Variants in DNAH11 observed in about 807,000 individuals in gnomAD.
DNAH11 encodes the protein axonemal beta dynein heavy chain 11.
Under a neutral mutation model 526.0 loss-of-function variants are expected in DNAH11, and 442 were observed. That is an observed-to-expected ratio of 0.84 (90% CI 0.78 to 0.91). The LOEUF (loss-of-function observed/expected upper bound fraction) is 0.91. DNAH11 is among the 40% of genes least tolerant of loss of function. The pLI is 0.00. For missense variants in DNAH11, 6,989 were observed against 5,448.7 expected, an observed-to-expected ratio of 1.28 and a Z score of -8.90; for synonymous variants, 2,461 against 1,935.9, an observed-to-expected ratio of 1.27 and a Z score of -7.12.
intron 63 of DNAH11, among the ~76,000 whole-genome samples, chr7:21,815,000 C>G (rs922475803): frequency 2.0e-5 from 3 of 151,998 alleles, no homozygotes; most frequent in Non-Finnish European, 4.4e-5. Context: ...ATGTAGGTGT[C>G]TTCATTTATA....
chr7:21,546,566 C>T (rs1457241123), intron 2 of DNAH11, among the ~76,000 whole-genome samples: 3 of 152,194 alleles, frequency 2.0e-5, no homozygotes, highest in Admixed American at 2.0e-4. Flanking sequence ...TACTCTTTCT[C>T]TCAGTACCAG....
intron 65 of DNAH11, among the ~76,000 whole-genome samples, chr7:21,839,662 C>T (rs1022272866): frequency 3.9e-5 from 6 of 151,976 alleles, no homozygotes; most frequent in African/African-American, 9.7e-5. Flanking sequence ...TTATTCTCCT[C>T]TTGGAAAACA....
At chr7:21,852,268 G>A (rs1226492504) in intron 66 of DNAH11, among the ~76,000 whole-genome samples, 199 bp from the exon 67 acceptor site, 1 of 151,962 alleles carries the variant, frequency 6.6e-6, no homozygotes, top group African/African-American at 2.4e-5. Flanking sequence ...ATAGCTGGAT[G>A]TGGTGGCAGG....
At chr7:21,739,852 A>G (rs1785796613) in intron 48 of DNAH11, among the ~76,000 whole-genome samples, 179 bp downstream of exon 48, 2 of 152,184 alleles carry the variant, frequency 1.3e-5, no homozygotes. Flanking sequence ...TAATTGGTAG[A>G]CTTTATTTTT....
chr7:21,655,085 T>G (rs1204095214), intron 28 of DNAH11, among the ~76,000 whole-genome samples: 1 of 146,552 alleles, frequency 6.8e-6, no homozygotes, highest in Non-Finnish European at 1.5e-5. Context: ...CACCCCCAAA[T>G]TGTCTGGAGC....
intron 65 of DNAH11, among the ~76,000 whole-genome samples, chr7:21,841,199 AAT>A (rs1425362329): frequency 6.6e-6 from 1 of 152,182 alleles, no homozygotes; most frequent in East Asian, 1.9e-4. Context: ...CACAAAAAAG[AAT>A]ATATGTGTTT....
At chr7:21,676,838 G>A (rs912354533) in intron 30 of DNAH11, among the ~76,000 whole-genome samples, 1 of 152,180 alleles carries the variant, frequency 6.6e-6, no homozygotes, top group Admixed American at 6.5e-5. Context: ...ACCCAGATGA[G>A]AAAATATCCA....
chr7:21,786,860 C>T (rs1788217166), intron 59 of DNAH11, 93 bp downstream of exon 59: 2 of 1,488,490 alleles, frequency 1.3e-6, no homozygotes, highest in South Asian at 1.3e-5. Context: ...ATGTTTAAGT[C>T]AGAAGAAATC....
At chr7:21,624,850 T>C (rs1435717585) in intron 25 of DNAH11, among the ~76,000 whole-genome samples, 1 of 152,210 alleles carries the variant, frequency 6.6e-6, no homozygotes, top group African/African-American at 2.4e-5. Flanking sequence ...ATCACATTTA[T>C]TGATTTGCAT....
chr7:21,562,632 A>G (rs776599689), intron 5 of DNAH11, among the ~76,000 whole-genome samples: 8 of 152,178 alleles, frequency 5.3e-5, no homozygotes, highest in Non-Finnish European at 1.0e-4. Flanking sequence ...GCTCTTCTCA[A>G]AGACACACTT....
chr7:21,831,215 A>G, intron 65 of DNAH11, among the ~76,000 whole-genome samples: 1 of 152,158 alleles, frequency 6.6e-6, no homozygotes, highest in East Asian at 1.9e-4. Flanking sequence ...TAAGTTCAAG[A>G]GCTCATAGCT....
chr7:21,801,208 A>G lies in DNAH11; in HGVS notation c.10098A>G (p.Gln3366=), dbSNP rs1414677500. 7 of 1,613,692 alleles carry G rather than the reference A, an allele frequency of 4.3e-6. No individual in the cohort carries two copies. In the South Asian group the frequency reaches 4.4e-5, roughly 10 times the overall value. The change falls in exon 62 of 82, where the codon CAA becomes CAG. Residue 3366 remains glutamine, a synonymous_variant. Coordinates refer to ENST00000409508, the MANE Select transcript of DNAH11 (RefSeq NM_001277115.2). ...CAACAGCTGAGAAAGTCCGGTGTCA[A>G]GAAGAGGTGAACCAAACCAACAAAA... The part of the protein sequence containing the change: ...EKATAEKVRC[Q]EEVNQTNKTI...
intron 66 of DNAH11, among the ~76,000 whole-genome samples, chr7:21,848,881 A>G (rs1782519582): frequency 6.6e-6 from 1 of 151,564 alleles, no homozygotes; most frequent in Non-Finnish European, 1.5e-5. Context: ...ATCTAACTCC[A>G]TTTTCTTTTT....
chr7:21,850,636 C>G (rs962849248), intron 66 of DNAH11, among the ~76,000 whole-genome samples: 11 of 72,718 alleles, frequency 1.5e-4, no homozygotes, highest in African/African-American at 4.9e-4. Context: ...TTTTTTGCCT[C>G]TAAGTATACC....
chr7:21,594,135 G>A (rs991427004), intron 14 of DNAH11, among the ~76,000 whole-genome samples: 32 of 151,840 alleles, frequency 2.1e-4, no homozygotes, highest in African/African-American at 7.5e-4. Context: ...GTGTGGGGTA[G>A]GGAAAGTGTC....
In DNAH11 at chr7:21,748,681, T is replaced by C; in HGVS notation, c.8612T>C (p.Leu2871Pro). Residue 2871 changes from leucine (L) to proline (P), a missense_variant, in exon 52 of 82, where the codon CTT becomes CCT. By Grantham distance (98) the Leu-to-Pro change is moderately conservative. Coordinates refer to ENST00000409508, the MANE Select transcript of DNAH11 (RefSeq NM_001277115.2). ...AGCTTGTCCAGGCTGGCAGCTTACC[T>C]TCGTGGCCTTGAGGTCTTTCAGATC... is the stretch of plus-strand genomic sequence containing the variant. ...KQSLSRLAAY[L>P]RGLEVFQITL... The C allele has an allele frequency of 6.2e-7, 1 of 1,613,696 alleles. No individual in the cohort carries two copies. Among genetic ancestry groups the C allele is most frequent in the Non-Finnish European group, 8.5e-7 (1 of 1,179,732 alleles).
Position 21,894,887 on chromosome 7 carries a change from G to A in DNAH11, c.12937G>A (p.Glu4313Lys). 6.2e-7 allele frequency: 1 copy of A among 1,613,968 alleles called. No homozygotes were observed. Among genetic ancestry groups the A allele is most frequent in the African/African-American group, 1.3e-5 (1 of 75,052 alleles). Residue 4313 changes from glutamate to lysine, a missense_variant, in exon 79 of 82, where the codon GAA becomes AAA. Glu to Lys is a moderately conservative substitution (Grantham distance 56). Transcript: ENST00000409508. ...LEQLDLSLKG[E>K]LALSPAVEAQ... is the part of the protein sequence containing the mutation. ...TGGCTTTTTTTCTCCATGCAAGGGG[G>A]AATTGGCATTATCTCCTGCTGTGGA...
chr7:21,868,048 C>G, intron 72 of DNAH11, 41 bp downstream of exon 72: 2 of 1,369,604 alleles, frequency 1.5e-6, no homozygotes, highest in Non-Finnish European at 1.9e-6. Context: ...CCTTCTCCCT[C>G]CCTCCCTTTC....
intron 32 of DNAH11, among the ~76,000 whole-genome samples, chr7:21,686,218 C>T (rs994650049): frequency 1.3e-5 from 2 of 152,062 alleles, no homozygotes; most frequent in African/African-American, 2.4e-5. Context: ...TACAATTAAC[C>T]TCATTTAATA....
Sources: allele counts gnomAD v4.1 joint callset (sites outside exome capture counted in the v4.1 genomes callset), GRCh38; gene constraint gnomAD v4.1.1; transcripts MANE v1.5; gene names NCBI Gene and HGNC (gene_info 2026-07-23, HGNC 2026-07-21).